Variants in ST7 observed in about 807,000 individuals in gnomAD.
The protein encoded by ST7 is suppression of tumorigenicity 7.
In ST7, 28 loss-of-function variants were observed where a neutral mutation model predicts 78.7. That is an observed-to-expected ratio of 0.36 (90% CI 0.26 to 0.49). The LOEUF is 0.49. Ranked by LOEUF, ST7 falls within the 20% of genes least tolerant of loss-of-function variation. The pLI is 0.99. For missense variants in ST7, 418 were observed against 696.0 expected (o/e 0.60, Z 4.49); for synonymous variants, 247 against 249.6 (o/e 0.99, Z 0.10).
chr7:117,055,415 G>C (rs1333745759), intron 1 of ST7, among the ~76,000 whole-genome samples: 2 of 152,114 alleles, frequency 1.3e-5, no homozygotes, highest in African/African-American at 4.8e-5. Context: ...TGTTAGCCAG[G>C]CTGGTCTTGA....
rs746425835 is a variant in ST7, at chr7:117,229,907, C to G, written c.*50C>G. 7 of 1,453,664 alleles carry G rather than the reference C, an allele frequency of 4.8e-6. No homozygotes were observed. In the South Asian group the frequency reaches 5.7e-5, roughly 12 times the overall value. 90.0% of individuals were successfully genotyped at this position (1,453,664 alleles called of 1,614,324 possible). On this transcript the variant is annotated 3_prime_UTR_variant, in exon 16 of 16. Transcript: ENST00000323984. ...TCACCCGCCGCTGCCACCATCTCCT[C>G]TGTGCCAACTCCTTGTGGACCGCAA...
intron 9 of ST7, among the ~76,000 whole-genome samples, chr7:117,170,168 G>A (rs762400280): frequency 5.3e-5 from 8 of 152,218 alleles, no homozygotes; most frequent in African/African-American, 1.4e-4. Flanking sequence ...GGTAAAGCCC[G>A]TGAGATATTT....
chr7:117,119,001 G>T (rs1803139439), intron 2 of ST7, among the ~76,000 whole-genome samples: 1 of 152,138 alleles, frequency 6.6e-6, no homozygotes, highest in African/African-American at 2.4e-5. Flanking sequence ...AACCTCAGTG[G>T]CTGGGTGCTA....
intron 1 of ST7, among the ~76,000 whole-genome samples, chr7:117,018,732 GT>G (rs1795736985): frequency 6.6e-6 from 1 of 152,122 alleles, no homozygotes; most frequent in African/African-American, 2.4e-5. Flanking sequence ...ACCTTGTAGG[GT>G]TATTATGAAG....
intron 1 of ST7, among the ~76,000 whole-genome samples, chr7:117,068,122 A>G (rs1484806155): frequency 3.3e-5 from 5 of 152,224 alleles, no homozygotes; most frequent in Non-Finnish European, 5.9e-5. Context: ...AAAGGGCAAC[A>G]TCATATGTTA....
chr7:117,098,553 A>G (rs1801305208), intron 1 of ST7: 1 of 244,678 alleles, frequency 4.1e-6, no homozygotes, highest in Admixed American at 5.6e-5. Context: ...TCTTCTAGAG[A>G]GTGGGAACTG....
chr7:117,046,300 TCTC>T (rs926150514), intron 1 of ST7, among the ~76,000 whole-genome samples: 2 of 152,150 alleles, frequency 1.3e-5, no homozygotes, highest in African/African-American at 4.8e-5. Flanking sequence ...CGTTTTTCTG[TCTC>T]CTCTGGGACA....
intron 10 of ST7, among the ~76,000 whole-genome samples, chr7:117,183,436 A>G (rs888810105): frequency 2.0e-5 from 3 of 151,646 alleles, no homozygotes; most frequent in Admixed American, 1.3e-4. Context: ...AAAAAAAAAA[A>G]TTATATATAT....
chr7:116,954,901 A>G lies in ST7; in HGVS notation c.151+1210A>G, dbSNP rs1224134038. The G allele has an allele frequency of 2.0e-5, 6 of 301,638 alleles. No homozygotes were observed. The Admixed American group carries it at 2.0e-4, about 10-fold the overall frequency. The allele number at this position is 301,638 out of a possible 1,614,324, so 18.7% of individuals were successfully genotyped here. ...GTACTCATTTTGTTAGGAAACTTGT[A>G]CCTTTCAGATACTAACTTAAGTATT... On this transcript the variant is annotated intron_variant, in intron 1 of 15. Transcript: ENST00000323984.
At chr7:117,095,019 G>T (rs1016409775) in intron 1 of ST7, among the ~76,000 whole-genome samples, 2 of 152,134 alleles carry the variant, frequency 1.3e-5, no homozygotes, top group Non-Finnish European at 2.9e-5. Context: ...TCATCATGCT[G>T]CTTATTCCAT....
At chr7:117,218,976 T>G (rs1029236159) in intron 13 of ST7, 108 bp from the exon 14 acceptor site, 1 of 811,686 alleles carries the variant, frequency 1.2e-6, no homozygotes, top group African/African-American at 1.7e-5. Context: ...CCTTGCCTCC[T>G]TTGTAGAAGT....
chr7:116,990,285 T>G lies in ST7; in HGVS notation c.151+36594T>G, dbSNP rs150496230. Among the ~76,000 whole-genome samples, 4 of 152,180 alleles carry G rather than the reference T, an allele frequency of 2.6e-5. No homozygotes were observed. The East Asian group carries it at 7.7e-4, about 29-fold the overall frequency. ...TAGAGTGAGTGAGTAAGTGAATGAGTAAAAATGAGTAATTTCTCCTTCAGC... is the reference window on the plus strand; with the variant it reads ...TAGAGTGAGTGAGTAAGTGAATGAGGAAAAATGAGTAATTTCTCCTTCAGC... On this transcript the variant is annotated intron_variant, in intron 1 of 15. Transcript: ENST00000323984.
rs979277503 is a variant in ST7 at position 117,072,130 on chromosome 7, A to G, written c.152-27632A>G. On this transcript the variant is annotated intron_variant, in intron 1 of 15. Transcript: ENST00000323984. ...AATTTTTTTCAACTTCACATTTCCTAGAGGAACAAGTATTTGGTGTAGTAA... is the reference window on the plus strand; with the variant it reads ...AATTTTTTTCAACTTCACATTTCCTGGAGGAACAAGTATTTGGTGTAGTAA... 4 of 152,356 alleles carry G rather than the reference A, an allele frequency of 2.6e-5. No individual in the cohort carries two copies. The South Asian group carries it at 8.3e-4, about 32-fold the overall frequency. 9.4% of individuals were successfully genotyped at this position (152,356 alleles called of 1,614,324 possible).
chr7:116,969,114 A>G (rs1793288357), intron 1 of ST7, among the ~76,000 whole-genome samples: 1 of 152,012 alleles, frequency 6.6e-6, no homozygotes, highest in Non-Finnish European at 1.5e-5. Flanking sequence ...ATTTTTTAGA[A>G]CCCTTTTAGA....
intron 10 of ST7, among the ~76,000 whole-genome samples, chr7:117,188,770 A>ATG (rs1809509203): frequency 4.4e-5 from 6 of 137,308 alleles, no homozygotes; most frequent in African/African-American, 2.0e-4. Context: ...TTAGACATAT[A>ATG]TATAACTTGG....
intron 1 of ST7, among the ~76,000 whole-genome samples, chr7:117,078,664 A>G (rs541112906): frequency 1.3e-5 from 2 of 152,350 alleles, no homozygotes; most frequent in Admixed American, 1.3e-4. Context: ...TTCTACTATT[A>G]TAAAGCTTGA....
At chr7:117,031,286 A>C (rs1330414416) in intron 1 of ST7, among the ~76,000 whole-genome samples, 1 of 151,746 alleles carries the variant, frequency 6.6e-6, no homozygotes, top group Non-Finnish European at 1.5e-5. Flanking sequence ...TAATCTGTAC[A>C]TCAAACCCCT....
chr7:117,099,954 T>C, intron 2 of ST7, 110 bp downstream of exon 2: 1 of 758,526 alleles, frequency 1.3e-6, no homozygotes, highest in Non-Finnish European at 2.0e-6. Flanking sequence ...GTTACAGTGA[T>C]TATCTTGCAC....
intron 9 of ST7, 150 bp from the exon 10 acceptor site, chr7:117,170,712 C>A: frequency 7.3e-6 from 2 of 273,810 alleles, no homozygotes; most frequent in Non-Finnish European, 1.3e-5. Context: ...ATACTTATTT[C>A]TTAAAATGCT....
Sources: gnomAD v4.1 joint callset for allele counts (sites outside exome capture counted in the v4.1 genomes callset) on GRCh38, gnomAD v4.1.1 for gene constraint, MANE v1.5 for transcripts, NCBI Gene and HGNC (gene_info 2026-07-23, HGNC 2026-07-21) for gene names.